PRRT1: variants seen among roughly 807,000 people sequenced by gnomAD.
The protein encoded by PRRT1 is proline-rich transmembrane protein 1.
A neutral mutation model predicts 22.6 loss-of-function variants in PRRT1; 8 were observed. That is an observed-to-expected ratio of 0.35 (90% CI 0.21 to 0.64). The LOEUF is 0.64. PRRT1 is among the 30% of genes least tolerant of loss of function. The pLI is 0.69. For synonymous variants in PRRT1, 176 were observed against 203.6 expected (o/e 0.86, Z 1.15); for missense variants, 315 against 444.5 (o/e 0.71, Z 2.62).
Position 32,150,179 on chromosome 6 carries a change from A to G in PRRT1, c.558+189T>C, listed in dbSNP as rs1180423274. On this transcript the variant is annotated intron_variant, in intron 2 of 3. Transcript: ENST00000211413. The surrounding 1 kb of genome is among the most constrained non-coding windows in gnomAD (Gnocchi z 7.2). ...CCAGGCCCTGACTCTGGGCACCAGTAGACTCCTACTCCCGTGTCTCTCCCT... is the reference window on the plus strand; with the variant it reads ...CCAGGCCCTGACTCTGGGCACCAGTGGACTCCTACTCCCGTGTCTCTCCCT... 3.3e-5 allele frequency among the ~76,000 whole-genome samples: 5 copies of G among 152,046 alleles called. No individual in the cohort carries two copies. The highest frequency in any genetic ancestry group is 7.4e-5 in the Non-Finnish European group (5 of 67,982).
At position 32,150,784 on chromosome 6, in the gene PRRT1, A is replaced by G. The variant is rs1410171060; in HGVS notation, c.142T>C (p.Tyr48His). 5 of 1,560,706 alleles carry G rather than the reference A, an allele frequency of 3.2e-6. No individual in the cohort carries two copies. Among genetic ancestry groups the G allele is most frequent in the African/African-American group, 2.7e-5 (2 of 73,958 alleles). The change falls in exon 2 of 4, where the codon TAC becomes CAC. Residue 48 changes from tyrosine (Y) to histidine (H), a missense_variant. Transcript: ENST00000211413. This position sits in a 1 kb window ranked among gnomAD's most constrained non-coding sequence, Gnocchi z 7.2. ...AGGGTGGCGGTGCCAGACTGATGGT[A>G]GTGGTGGTGGTGGTGATGGTGTGAG... The part of the protein sequence containing the change: ...PSSHHHHHHH[Y>H]HQSGTATLPR...
rs1783230408 is a variant in PRRT1, at chr6:32,150,883, T to C, written c.43A>G (p.Thr15Ala). ...KSGLPDSVPH[T>A]SPPPYNAPQP... is the part of the protein sequence containing the mutation. ...GGGGCATTGTAGGGCGGCGGAGAAGTGTGAGGGACTGAGTCTGGGAGTCCT... is the reference window on the plus strand; with the variant it reads ...GGGGCATTGTAGGGCGGCGGAGAAGCGTGAGGGACTGAGTCTGGGAGTCCT... Residue 15 changes from threonine to alanine, a missense_variant, in exon 2 of 4, where the codon ACT becomes GCT. Physicochemically the swap from Thr to Ala is moderately conservative, Grantham distance 58 (BLOSUM62 0). Transcript: ENST00000211413. The surrounding 1 kb of genome is among the most constrained non-coding windows in gnomAD (Gnocchi z 7.2). 6.3e-7 allele frequency: 1 copy of C among 1,580,050 alleles called. No homozygotes were observed.
upstream of PRRT1, chr6:32,151,951 C>CGGGGGGGGGGGCGGGGG: frequency 4.7e-6 from 1 of 214,886 alleles, no homozygotes; most frequent in Non-Finnish European, 8.4e-6. Context: ...AAGGCAGCGG[C>CGGGGGGGGGGGCGGGGG]GGGGGGGGGG....
chr6:32,149,504 C>G lies in PRRT1; in HGVS notation c.744+33G>C, dbSNP rs1286116934. ...CAGAACGCCCAGAACTCCCTGTCCC[C>G]GCCCCCAAACCGAGTATGCCCCTGC... is the stretch of plus-strand genomic sequence containing the variant. On this transcript the variant is annotated intron_variant, in intron 3 of 3. Transcript: ENST00000211413. This position sits in a 1 kb window ranked among gnomAD's most constrained non-coding sequence, Gnocchi z 8.7. 1.2e-6 allele frequency: 2 copies of G among 1,610,976 alleles called. No homozygotes were observed. The highest frequency in any genetic ancestry group is 1.7e-6 in the Non-Finnish European group (2 of 1,178,940).
chr6:32,151,387 G>A (rs1582588542), intron 1 of PRRT1: 1 of 412,076 alleles, frequency 2.4e-6, no homozygotes, highest in East Asian at 5.3e-5. Flanking sequence ...GCCTCTGTGA[G>A]AATCTCGGGA....
Position 32,150,527 on chromosome 6 carries a change from G to T in PRRT1, c.399C>A (p.Pro133=). The T allele has an allele frequency of 7.3e-7, 1 of 1,375,628 alleles. No homozygotes were observed. Among genetic ancestry groups the T allele is most frequent in the Non-Finnish European group, 9.4e-7 (1 of 1,067,088 alleles). The allele number at this position is 1,375,628 out of a possible 1,614,324, so 85.2% of individuals were successfully genotyped here. A position where few individuals can be genotyped will look rare whatever the true frequency, so the allele number is the denominator to read the frequency against. ...GGGCAGTCTGGGCTGGCGCCGGCGGGGGCGGGGCGGCGGCAGCGGGCGGCG... is the reference window on the plus strand; with the variant it reads ...GGGCAGTCTGGGCTGGCGCCGGCGGTGGCGGGGCGGCGGCAGCGGGCGGCG... ...PPPPPAAAAP[P]PPAPAQTAQA... is the part of the protein sequence containing the mutation. The change falls in exon 2 of 4, where the codon CCC becomes CCA. Residue 133 remains proline (P), a synonymous_variant. Coordinates refer to ENST00000211413, the MANE Select transcript of PRRT1 (RefSeq NM_030651.4). The surrounding 1 kb of genome is among the most constrained non-coding windows in gnomAD (Gnocchi z 7.2).
chr6:32,149,547 T>C lies in PRRT1; in HGVS notation c.734A>G (p.Lys245Arg). The change falls in exon 3 of 4, where the codon AAG (lysine) becomes AGG (arginine). Residue 245 changes from lysine to arginine, a missense_variant. Physicochemically the swap from Lys to Arg is conservative, Grantham distance 26. Coordinates refer to ENST00000211413, the MANE Select transcript of PRRT1 (RefSeq NM_030651.4). The surrounding 1 kb of genome is among the most constrained non-coding windows in gnomAD (Gnocchi z 8.7). Reference protein sequence around the residue: ...FWPTGIIAIFKAVQVRTALAR... With the variant: ...FWPTGIIAIFRAVQVRTALAR... Reference sequence around the variant, plus strand: ...GCCCCTGCCCCCTACCTGCACGGCCTTGAAGATGGCAATGATGCCAGTAGG... The same window carrying C: ...GCCCCTGCCCCCTACCTGCACGGCCCTGAAGATGGCAATGATGCCAGTAGG... 6.2e-7 allele frequency: 1 copy of C among 1,612,988 alleles called. No homozygotes were observed.
At position 32,150,386 on chromosome 6, in the gene PRRT1, C is replaced by T. The variant is rs978968766; in HGVS notation, c.540G>A (p.Pro180=). The T allele has an allele frequency of 6.4e-7, 1 of 1,554,454 alleles. No homozygotes were observed. Among genetic ancestry groups the T allele is most frequent in the Non-Finnish European group, 8.6e-7 (1 of 1,157,742 alleles). The part of the protein sequence containing the change: ...LQLQPCTAYV[P]VYPVGTPYAG... ...CACTCACCGTGCCCACCGGGTAGAC[C>T]GGCACGTAAGCAGTGCAAGGCTGCA... Residue 180 remains proline (P), a synonymous_variant, in exon 2 of 4, where the codon CCG becomes CCA. Coordinates refer to ENST00000211413, the MANE Select transcript of PRRT1 (RefSeq NM_030651.4). This position sits in a 1 kb window ranked among gnomAD's most constrained non-coding sequence, Gnocchi z 7.2.
chr6:32,150,035 C>A lies in PRRT1; in HGVS notation c.559-313G>T, dbSNP rs537306649. 6.6e-6 allele frequency among the ~76,000 whole-genome samples: 1 copy of A among 152,006 alleles called. No homozygotes were observed. The highest frequency in any genetic ancestry group is 1.5e-5 in the Non-Finnish European group (1 of 67,982). On this transcript the variant is annotated intron_variant, in intron 2 of 3. Coordinates refer to ENST00000211413, the MANE Select transcript of PRRT1 (RefSeq NM_030651.4). The surrounding 1 kb of genome is among the most constrained non-coding windows in gnomAD (Gnocchi z 7.2). ...GACACCTACCAGGCCTCCCCTACCCCCTTAGTCCCAGGCTTCTCCCACATC... is the reference window on the plus strand; with the variant it reads ...GACACCTACCAGGCCTCCCCTACCCACTTAGTCCCAGGCTTCTCCCACATC...
Position 32,150,261 on chromosome 6 carries a change from G to C in PRRT1, c.558+107C>G. 7.3e-7 allele frequency: 1 copy of C among 1,373,608 alleles called. No individual in the cohort carries two copies. Among genetic ancestry groups the C allele is most frequent in the Non-Finnish European group, 9.6e-7 (1 of 1,043,076 alleles). 85.1% of individuals were successfully genotyped at this position (1,373,608 alleles called of 1,614,324 possible). On this transcript the variant is annotated intron_variant, in intron 2 of 3. Coordinates refer to ENST00000211413, the MANE Select transcript of PRRT1 (RefSeq NM_030651.4). This position sits in a 1 kb window ranked among gnomAD's most constrained non-coding sequence, Gnocchi z 7.2. ...AGGGCTTGTCCCGGGAACACTACCT[G>C]TTCCCTGCCCTTGTTCCTCTATCCT...
chr6:32,151,818 C>T lies in PRRT1; in HGVS notation c.10G>A (p.Glu4Lys), dbSNP rs780007263. MSS[E>K]KSGLPDSVPH... Reference sequence around the variant, plus strand: ...TTGTTATTGTTTTTACCTGACTTTTCGGATGACATGCCTGCGGTCTCGCTG... The same window carrying T: ...TTGTTATTGTTTTTACCTGACTTTTTGGATGACATGCCTGCGGTCTCGCTG... The change falls in exon 1 of 4, where the codon GAA becomes AAA. Residue 4 changes from glutamate (E) to lysine (K), a missense_variant. Around this residue, in one of 4 missense-constraint regions of PRRT1, gnomAD observed 263 missense variants for 328.5 expected, o/e 0.80. Coordinates refer to ENST00000211413, the MANE Select transcript of PRRT1 (RefSeq NM_030651.4). 1 of 1,610,286 alleles carries T rather than the reference C, an allele frequency of 6.2e-7. No homozygotes were observed. Among genetic ancestry groups the T allele is most frequent in the Admixed American group, 1.7e-5 (1 of 59,806 alleles).
upstream of PRRT1, chr6:32,152,168 G>T: frequency 1.5e-6 from 1 of 658,870 alleles, no homozygotes; most frequent in South Asian, 1.5e-5. Flanking sequence ...CAGGCGAGGC[G>T]GGTGGGACTA....
chr6:32,152,000 G>GGGC, upstream of PRRT1: 2 of 350,434 alleles, frequency 5.7e-6, no homozygotes, highest in Non-Finnish European at 1.1e-5. Context: ...GGGAGGGGGG[G>GGGC]AGCTTAAAGG....
At position 32,151,909 on chromosome 6, in the gene PRRT1, G is replaced by T; in HGVS notation, c.-82C>A. On this transcript the variant is annotated 5_prime_UTR_variant, in exon 1 of 4. Transcript: ENST00000211413. Reference sequence around the variant, plus strand: ...TGCTGGAGTCTGGGTGCTGGATGGCGCAGCCGGCAGCAGCGCAGAGATGGA... The same window carrying T: ...TGCTGGAGTCTGGGTGCTGGATGGCTCAGCCGGCAGCAGCGCAGAGATGGA... 2 of 943,492 alleles carry T rather than the reference G, an allele frequency of 2.1e-6. No individual in the cohort carries two copies. Among genetic ancestry groups the T allele is most frequent in the Non-Finnish European group, 3.3e-6 (2 of 612,060 alleles). The allele number at this position is 943,492 out of a possible 1,614,324, so 58.4% of individuals were successfully genotyped here. A position where few individuals can be genotyped will look rare whatever the true frequency, so the allele number is the denominator to read the frequency against.
In PRRT1 at chr6:32,148,798, C is replaced by G; in HGVS notation, c.*424G>C. ...AGGCCTGGAGCCACAAACCCAATCACTGGACTGAATCACCCCGCGGAGAAG... is the reference window on the plus strand; with the variant it reads ...AGGCCTGGAGCCACAAACCCAATCAGTGGACTGAATCACCCCGCGGAGAAG... On this transcript the variant is annotated 3_prime_UTR_variant, in exon 4 of 4. Transcript: ENST00000211413. This position sits in a 1 kb window ranked among gnomAD's most constrained non-coding sequence, Gnocchi z 5.7. The G allele has an allele frequency of 2.1e-6, 1 of 483,466 alleles. No homozygotes were observed. Among genetic ancestry groups the G allele is most frequent in the Non-Finnish European group, 4.1e-6 (1 of 245,198 alleles). The allele number at this position is 483,466 out of a possible 1,614,324, so 29.9% of individuals were successfully genotyped here. A position where few individuals can be genotyped will look rare whatever the true frequency, so the allele number is the denominator to read the frequency against.
At position 32,150,665 on chromosome 6, in the gene PRRT1, G is replaced by T. The variant is rs1314769981; in HGVS notation, c.261C>A (p.His87Gln). ...CCCCGGCAGCAGGGCCGGGAGGGGC[G>T]TGGTGGGGGGGCCTCGGCAGCGTGG... ...SSATLPRPPH[H>Q]APPGPAAGAP... Residue 87 changes from histidine to glutamine, a missense_variant, in exon 2 of 4, where the codon CAC becomes CAA. This residue lies in a region of PRRT1 where 263 missense variants were observed against 328.5 expected (regional missense o/e 0.80). Transcript: ENST00000211413. The surrounding 1 kb of genome is among the most constrained non-coding windows in gnomAD (Gnocchi z 7.2). 7.0e-7 allele frequency: 1 copy of T among 1,425,688 alleles called. No homozygotes were observed. Among genetic ancestry groups the T allele is most frequent in the Non-Finnish European group, 9.1e-7 (1 of 1,095,402 alleles). The allele number at this position is 1,425,688 out of a possible 1,614,324, so 88.3% of individuals were successfully genotyped here.
upstream of PRRT1, chr6:32,152,884 T>C (rs1783424030): frequency 6.7e-6 from 1 of 148,266 alleles, no homozygotes; most frequent in Non-Finnish European, 1.5e-5. Flanking sequence ...AGGAAGTCTA[T>C]GGAGATTTAC....
Position 32,149,157 on chromosome 6 carries a change from G to A in PRRT1, c.*65C>T, listed in dbSNP as rs1213591390. ...TGTGCAGGGCGCCCATTGGGTCCGC[G>A]GTATGACTGCAGAAAGAGCCTGGGA... On this transcript the variant is annotated 3_prime_UTR_variant, in exon 4 of 4. Coordinates refer to ENST00000211413, the MANE Select transcript of PRRT1 (RefSeq NM_030651.4). This position sits in a 1 kb window ranked among gnomAD's most constrained non-coding sequence, Gnocchi z 8.7. 6.4e-7 allele frequency: 1 copy of A among 1,556,472 alleles called. No individual in the cohort carries two copies. The highest frequency in any genetic ancestry group is 1.3e-5 in the African/African-American group (1 of 74,274).
chr6:32,149,946 C>A lies in PRRT1; in HGVS notation c.559-224G>T, dbSNP rs1188145162. On this transcript the variant is annotated intron_variant, in intron 2 of 3. Transcript: ENST00000211413. The surrounding 1 kb of genome is among the most constrained non-coding windows in gnomAD (Gnocchi z 8.7). Reference sequence around the variant, plus strand: ...TATTCTTGGGCTTTCTACATTCTCTCCCGCAAGGTATGGTCCCACTGGGGC... The same window carrying A: ...TATTCTTGGGCTTTCTACATTCTCTACCGCAAGGTATGGTCCCACTGGGGC... 1.8e-6 allele frequency: 1 copy of A among 564,094 alleles called. No individual in the cohort carries two copies. Among genetic ancestry groups the A allele is most frequent in the Non-Finnish European group, 3.1e-6 (1 of 321,698 alleles). The allele number at this position is 564,094 out of a possible 1,614,324, so 34.9% of individuals were successfully genotyped here.
Sources: gnomAD v4.1 joint callset for allele counts (sites outside exome capture counted in the v4.1 genomes callset) on GRCh38, gnomAD v4.1.1 for gene constraint, gnomAD v4.1.1 regional missense constraint, Gnocchi (gnomAD v3.1) non-coding constraint, MANE v1.5 for transcripts, NCBI Gene and HGNC (gene_info 2026-07-23, HGNC 2026-07-21) for gene names.